The following FSCN2 variants were observed in gnomAD, a reference collection of about 807,000 sequenced individuals.
The protein encoded by FSCN2 is fascin-2.
A neutral mutation model predicts 37.8 loss-of-function variants in FSCN2; 46 were observed. That is an observed-to-expected ratio of 1.22 (90% CI 0.96 to 1.56). FSCN2 has a LOEUF of 1.56. Among genes scored for constraint, FSCN2 ranks in the 40% most tolerant of loss-of-function variants. The pLI is 0.00. For synonymous variants in FSCN2, 351 were observed against 309.4 expected (o/e 1.13, Z -1.41); for missense variants, 844 against 730.4 (o/e 1.16, Z -1.79).
the FSCN2 span, among the ~76,000 whole-genome samples, chr17:81,519,259 CCT>C: frequency 6.6e-6 from 1 of 152,170 alleles, no homozygotes; most frequent in Non-Finnish European, 1.5e-5. Flanking sequence ...ACGCAGTCGA[CCT>C]CTCCTGACCG....
Position 81,528,564 on chromosome 17 carries a change from G to T in FSCN2, c.33G>T (p.Lys11Asn). Residue 11 changes from lysine to asparagine, a missense_variant, in exon 1 of 5, where the codon AAG (lysine) becomes AAT (asparagine). Transcript: ENST00000417245. MPTNGLHQVL[K>N]IQFGLVNDTD... ...CGAACGGCCTGCACCAGGTGCTGAA[G>T]ATCCAGTTTGGCCTCGTCAACGACA... is the stretch of plus-strand genomic sequence containing the variant. 3 of 1,606,832 alleles carry T rather than the reference G, an allele frequency of 1.9e-6. No individual in the cohort carries two copies. The highest frequency in any genetic ancestry group is 1.7e-6 in the Non-Finnish European group (2 of 1,177,124).
the FSCN2 span, among the ~76,000 whole-genome samples, chr17:81,515,100 G>A: frequency 1.4e-3 from 215 of 152,016 alleles, 1 homozygote; most frequent in African/African-American, 5.1e-3. Flanking sequence ...CGGCGGGGAT[G>A]CGGGTCTGCC....
At chr17:81,517,710 G>A in the FSCN2 span, among the ~76,000 whole-genome samples, 1 of 151,990 alleles carries the variant, frequency 6.6e-6, no homozygotes, top group Non-Finnish European at 1.5e-5. Context: ...GAGTGGGGAG[G>A]GTCTGCTCTC....
chr17:81,523,050 T>G, the FSCN2 span, among the ~76,000 whole-genome samples: 22 of 152,208 alleles, frequency 1.4e-4, no homozygotes, highest in Non-Finnish European at 2.5e-4. Flanking sequence ...TAGAGCCCTC[T>G]TCCTCCCCTC....
the FSCN2 span, among the ~76,000 whole-genome samples, chr17:81,516,890 G>C: frequency 2.7e-5 from 4 of 146,330 alleles, no homozygotes; most frequent in Non-Finnish European, 6.2e-5. Flanking sequence ...GTCTCTGCAT[G>C]TTTTGTCCAA....
chr17:81,522,094 T>C, the FSCN2 span, among the ~76,000 whole-genome samples: 3 of 151,834 alleles, frequency 2.0e-5, no homozygotes, highest in East Asian at 3.9e-4. Context: ...GCAACCTCCG[T>C]CTCCTGGGTT....
chr17:81,519,823 CAGG>C, the FSCN2 span, among the ~76,000 whole-genome samples: 3 of 152,230 alleles, frequency 2.0e-5, no homozygotes, highest in Non-Finnish European at 4.4e-5. Flanking sequence ...CGACCGAGGA[CAGG>C]AGGCACCCAC....
In FSCN2 at chr17:81,528,713, G is replaced by A. The variant is rs368665227; in HGVS notation, c.182G>A (p.Arg61His). ...DPGQGTAVLLRSSHLGRYLSA... is the reference protein window; with the variant it reads ...DPGQGTAVLLHSSHLGRYLSA... ...GGACAAGGCACGGCTGTGCTGCTCC[G>A]CAGCAGCCACCTGGGCCGCTACCTG... The change falls in exon 1 of 5, where the codon CGC becomes CAC. Residue 61 changes from arginine to histidine, a missense_variant. Coordinates refer to ENST00000417245, the MANE Select transcript of FSCN2 (RefSeq NM_012418.4). 19 of 1,598,624 alleles carry A rather than the reference G, an allele frequency of 1.2e-5. No homozygotes were observed. The highest frequency in any genetic ancestry group is 5.4e-5 in the African/African-American group (4 of 74,682).
Position 81,528,715 on chromosome 17 carries a change from A to G in FSCN2, c.184A>G (p.Ser62Gly). 1 of 1,598,850 alleles carries G rather than the reference A, an allele frequency of 6.3e-7. No homozygotes were observed. The highest frequency in any genetic ancestry group is 8.5e-7 in the Non-Finnish European group (1 of 1,173,874). ...ACAAGGCACGGCTGTGCTGCTCCGC[A>G]GCAGCCACCTGGGCCGCTACCTGTC... ...PGQGTAVLLR[S>G]SHLGRYLSAE... The change falls in exon 1 of 5, where the codon AGC (serine) becomes GGC (glycine). Residue 62 changes from serine (S) to glycine (G), a missense_variant. Ser to Gly is a moderately conservative substitution (Grantham distance 56). Transcript: ENST00000417245.
At position 81,535,219 on chromosome 17, in the gene FSCN2, ACATCCCTTCCTCCTCCAT is replaced by A; in HGVS notation, c.983+18_983+35del. The stretch of plus-strand genomic sequence containing the variant: ...CACAGCCACACAAGTGTGAGTGCAC[ACATCCCTTCCTCCTCCAT>A]CATCCCCATCCCCACCATCACCATC... On this transcript the variant is annotated intron_variant, in intron 2 of 4. Transcript: ENST00000417245. 6.6e-7 allele frequency: 1 copy of A among 1,516,642 alleles called. No homozygotes were observed. Among genetic ancestry groups the A allele is most frequent in the Non-Finnish European group, 8.8e-7 (1 of 1,133,820 alleles). 93.9% of individuals were successfully genotyped at this position (1,516,642 alleles called of 1,614,324 possible).
At chr17:81,524,365 C>T (rs1218840334), upstream of FSCN2, among the ~76,000 whole-genome samples, 3 of 152,220 alleles carry the variant, frequency 2.0e-5, no homozygotes, top group South Asian at 4.1e-4. Context: ...CTACCCCAAA[C>T]AGCCTCTCAC....
chr17:81,515,786 C>T, the FSCN2 span, among the ~76,000 whole-genome samples: 1 of 152,252 alleles, frequency 6.6e-6, no homozygotes, highest in East Asian at 1.9e-4. Flanking sequence ...GGCATGGGTC[C>T]CCACCCCTAG....
chr17:81,515,633 A>C, the FSCN2 span, among the ~76,000 whole-genome samples: 1 of 152,056 alleles, frequency 6.6e-6, no homozygotes, highest in Non-Finnish European at 1.5e-5. Context: ...GCACTGCCCC[A>C]CCTCCAGCTC....
chr17:81,531,402 ATGG>A (rs2032579260), intron 1 of FSCN2, among the ~76,000 whole-genome samples: 1 of 44,794 alleles, frequency 2.2e-5, no homozygotes, highest in East Asian at 7.2e-4. Context: ...GATGATGGTG[ATGG>A]TGATGGTGGT....
At chr17:81,526,128 G>A (rs61229569), upstream of FSCN2, among the ~76,000 whole-genome samples, 12,986 of 152,220 alleles carry the variant, frequency 0.085, 1,629 homozygotes, top group African/African-American at 0.27. Flanking sequence ...CTGAGCACCC[G>A]ATGCCTAAGC....
At chr17:81,524,893 T>TCACACACACACA (rs138139508), upstream of FSCN2, among the ~76,000 whole-genome samples, 20,131 of 122,542 alleles carry the variant, frequency 0.16, 1,956 homozygotes, top group East Asian at 0.51. Flanking sequence ...ATGAGCACCT[T>TCACACACACACA]CACACACACA....
At chr17:81,533,239 C>G (rs772770935) in intron 1 of FSCN2, among the ~76,000 whole-genome samples, 7 of 152,206 alleles carry the variant, frequency 4.6e-5, no homozygotes, top group East Asian at 1.9e-4. Context: ...GTATCCCCCC[C>G]CATCGGCCAG....
chr17:81,530,022 G>A (rs961143472), intron 1 of FSCN2: 1 of 282,158 alleles, frequency 3.5e-6, no homozygotes, highest in African/African-American at 2.3e-5. Flanking sequence ...GTGTTAGCCA[G>A]GATGGTCTTG....
the FSCN2 span, among the ~76,000 whole-genome samples, chr17:81,515,543 T>C: frequency 6.6e-6 from 1 of 152,246 alleles, no homozygotes; most frequent in Non-Finnish European, 1.5e-5. Flanking sequence ...TTTCGGCCCA[T>C]TTAGTGGATA....
Sources: gnomAD v4.1 joint callset for allele counts (sites outside exome capture counted in the v4.1 genomes callset) on GRCh38, gnomAD v4.1.1 for gene constraint, MANE v1.5 for transcripts, NCBI Gene and HGNC (gene_info 2026-07-23, HGNC 2026-07-21) for gene names.